PRELID2: variants seen among roughly 807,000 people sequenced by gnomAD.
PRELID2 encodes PRELI domain-containing protein 2.
In PRELID2, 25 loss-of-function variants were observed where a neutral mutation model predicts 28.4. That is an observed-to-expected ratio of 0.88 (90% CI 0.64 to 1.23). The LOEUF (loss-of-function observed/expected upper bound fraction) is 1.23, where lower values mean the gene tolerates loss of function less well. PRELID2 is among the 50% of genes most tolerant of loss of function. The pLI is 0.00. For synonymous variants in PRELID2, 76 were observed against 71.6 expected (o/e 1.06, Z -0.31); for missense variants, 201 against 214.4 (o/e 0.94, Z 0.39).
chr5:145,438,495 C>T, the PRELID2 span, among the ~76,000 whole-genome samples: 3 of 152,062 alleles, frequency 2.0e-5, no homozygotes, highest in Non-Finnish European at 4.4e-5. Context: ...ATAAGATGCT[C>T]CAGCTTTGGG....
the PRELID2 span, among the ~76,000 whole-genome samples, chr5:145,293,719 T>C: frequency 5.3e-5 from 8 of 152,282 alleles, no homozygotes; most frequent in Admixed American, 2.0e-4. Flanking sequence ...TTAACATGTA[T>C]AGAGAATAGA....
chr5:145,298,472 A>G, the PRELID2 span, among the ~76,000 whole-genome samples: 1 of 152,226 alleles, frequency 6.6e-6, no homozygotes, highest in Non-Finnish European at 1.5e-5. Flanking sequence ...AATTAATTCA[A>G]GATGGATTAA....
At chr5:145,271,191 G>A in the PRELID2 span, among the ~76,000 whole-genome samples, 1 of 151,984 alleles carries the variant, frequency 6.6e-6, no homozygotes, top group Non-Finnish European at 1.5e-5. Flanking sequence ...ATTTGGCTGG[G>A]GACACAGAGC....
the PRELID2 span, among the ~76,000 whole-genome samples, chr5:145,417,045 A>G: frequency 1.2e-4 from 19 of 152,114 alleles, no homozygotes; most frequent in Admixed American, 7.2e-4. Flanking sequence ...AGAGATAAAT[A>G]GAGACAATCA....
chr5:145,402,944 G>T, the PRELID2 span, among the ~76,000 whole-genome samples: 1 of 152,172 alleles, frequency 6.6e-6, no homozygotes, highest in Non-Finnish European at 1.5e-5. Context: ...AAGGGGTTTT[G>T]TCAAAGGGAA....
intron 1 of PRELID2, among the ~76,000 whole-genome samples, chr5:145,650,520 G>A (rs1424421370): frequency 2.0e-4 from 18 of 91,138 alleles, no homozygotes; most frequent in Admixed American, 5.0e-4. Context: ...ATATCGAATC[G>A]CACATATATA....
intron 1 of PRELID2, among the ~76,000 whole-genome samples, chr5:145,674,309 C>G (rs918232754): frequency 6.6e-6 from 1 of 151,340 alleles, no homozygotes; most frequent in Non-Finnish European, 1.5e-5. Flanking sequence ...ATCCCTCCCC[C>G]CTCCCTCTAC....
the PRELID2 span, among the ~76,000 whole-genome samples, chr5:145,253,847 C>CAA: frequency 2.7e-5 from 4 of 147,366 alleles, no homozygotes; most frequent in African/African-American, 9.9e-5. Context: ...ACAAAAAAAA[C>CAA]AAAAAAAAAA....
chr5:145,579,665 C>T (rs984699714), intron 1 of PRELID2, among the ~76,000 whole-genome samples: 1 of 151,972 alleles, frequency 6.6e-6, no homozygotes. Flanking sequence ...TAAATAAATA[C>T]AAAAAAGACT....
intron 1 of PRELID2, among the ~76,000 whole-genome samples, chr5:145,730,684 C>T (rs1241557401): frequency 6.6e-6 from 1 of 152,024 alleles, no homozygotes; most frequent in Non-Finnish European, 1.5e-5. Flanking sequence ...CTAAAGTTCA[C>T]CTTAATAAAA....
At chr5:145,776,584 A>G (rs1193997181) in intron 5 of PRELID2, among the ~76,000 whole-genome samples, 1 of 152,260 alleles carries the variant, frequency 6.6e-6, no homozygotes, top group Non-Finnish European at 1.5e-5. Flanking sequence ...GTAGAGTTCC[A>G]TACTATCCAC....
intron 1 of PRELID2, among the ~76,000 whole-genome samples, chr5:145,639,481 T>G (rs964235248): frequency 2.6e-4 from 39 of 152,310 alleles, no homozygotes; most frequent in African/African-American, 9.4e-4. Flanking sequence ...TCTCAAACAT[T>G]TAGAGCTAAA....
rs563244957 is a variant in PRELID2 at position 145,776,011 on chromosome 5, G to A, written c.475-11011C>T. ...GATAATAGCCTAAAAATAAACCATGGGCTGTTTTTAAGTCAACTATTTGCA... is the reference window on the plus strand; with the variant it reads ...GATAATAGCCTAAAAATAAACCATGAGCTGTTTTTAAGTCAACTATTTGCA... On this transcript the variant is annotated intron_variant, in intron 5 of 6. Transcript: ENST00000683046. 6.9e-5 allele frequency among the ~76,000 whole-genome samples: 10 copies of A among 144,124 alleles called. 1 individual carries two copies. The South Asian group carries it at 2.3e-3, about 34-fold the overall frequency. 94.6% of individuals were successfully genotyped at this position (144,124 alleles called of 152,430 possible). A position where few individuals can be genotyped will look rare whatever the true frequency, so the allele number is the denominator to read the frequency against.
the PRELID2 span, among the ~76,000 whole-genome samples, chr5:145,396,524 T>G: frequency 1.3e-5 from 2 of 149,032 alleles, no homozygotes; most frequent in Non-Finnish European, 3.0e-5. Flanking sequence ...GAGACAGAGA[T>G]AGTATTTGTC....
chr5:145,470,452 G>A (rs1367974592), downstream of PRELID2, among the ~76,000 whole-genome samples: 1 of 144,502 alleles, frequency 6.9e-6, no homozygotes, highest in Non-Finnish European at 1.5e-5. Context: ...TCTGTAACCT[G>A]CTAAGCCTGT....
chr5:145,557,955 GAAC>G (rs1175249204), intron 1 of PRELID2, among the ~76,000 whole-genome samples: 4 of 152,166 alleles, frequency 2.6e-5, no homozygotes, highest in Non-Finnish European at 5.9e-5. Context: ...CAGTCTGTGA[GAAC>G]AAAAGTAAGA....
chr5:145,308,502 C>G, the PRELID2 span, among the ~76,000 whole-genome samples: 1 of 152,090 alleles, frequency 6.6e-6, no homozygotes, highest in Admixed American at 6.5e-5. Context: ...TTAGGTGCAC[C>G]AATTCAAGAG....
intron 1 of PRELID2, among the ~76,000 whole-genome samples, chr5:145,710,457 A>G (rs1166457292): frequency 6.6e-6 from 1 of 152,208 alleles, no homozygotes; most frequent in Non-Finnish European, 1.5e-5. Context: ...TGCTATTAAA[A>G]GATTCTTCTA....
chr5:145,818,996 A>G (rs986148625), intron 3 of PRELID2, among the ~76,000 whole-genome samples: 2 of 152,126 alleles, frequency 1.3e-5, no homozygotes, highest in Non-Finnish European at 1.5e-5. Context: ...ATGATAGTGA[A>G]TAAGTCTCAC....
Sources: allele counts gnomAD v4.1 joint callset (sites outside exome capture counted in the v4.1 genomes callset), GRCh38; gene constraint gnomAD v4.1.1; transcripts MANE v1.5; gene names NCBI Gene and HGNC (gene_info 2026-07-23, HGNC 2026-07-21).